The following ZZZ3 variants were observed in gnomAD, a reference collection of about 807,000 sequenced individuals.
ZZZ3 encodes zinc finger ZZ-type containing 3.
A neutral mutation model predicts 95.2 loss-of-function variants in ZZZ3; 22 were observed. The observed-to-expected ratio is 0.23, with a 90% CI of 0.17 to 0.33. ZZZ3 has a LOEUF of 0.33. ZZZ3 is among the 10% of genes least tolerant of loss of function. The pLI is 1.00. For missense variants in ZZZ3, 885 were observed against 1,066.5 expected, an observed-to-expected ratio of 0.83 and a Z score of 2.37; for synonymous variants, 335 against 358.9, an observed-to-expected ratio of 0.93 and a Z score of 0.75.
At chr1:77,676,197 C>CA (rs1383733572) in intron 1 of ZZZ3, among the ~76,000 whole-genome samples, 2 of 152,164 alleles carry the variant, frequency 1.3e-5, no homozygotes, top group African/African-American at 4.8e-5. Context: ...ACAAGGGTCT[C>CA]ACTGTGTCAC....
chr1:77,652,318 T>C (rs895971522), intron 1 of ZZZ3, among the ~76,000 whole-genome samples: 2 of 152,260 alleles, frequency 1.3e-5, no homozygotes, highest in East Asian at 1.9e-4. Context: ...AAATAAAATA[T>C]ACAAATAGCC....
intron 1 of ZZZ3, among the ~76,000 whole-genome samples, chr1:77,647,107 T>A (rs1669348805): frequency 2.0e-5 from 3 of 152,244 alleles, no homozygotes; most frequent in Admixed American, 6.5e-5. Flanking sequence ...GGGTTACTAA[T>A]GTTTGTGGTA....
intron 5 of ZZZ3, among the ~76,000 whole-genome samples, chr1:77,586,663 C>A (rs752816617): frequency 5.9e-5 from 9 of 152,020 alleles, no homozygotes; most frequent in Non-Finnish European, 1.0e-4. Context: ...TTAGTTAAGA[C>A]AAAATGATTA....
At chr1:77,615,396 A>G (rs1397869590) in intron 5 of ZZZ3, among the ~76,000 whole-genome samples, 2 of 152,236 alleles carry the variant, frequency 1.3e-5, no homozygotes, top group Non-Finnish European at 2.9e-5. Flanking sequence ...AAAGTACATC[A>G]TAGAAACAAA....
intron 1 of ZZZ3, among the ~76,000 whole-genome samples, chr1:77,661,238 C>A (rs1325684192): frequency 1.3e-5 from 2 of 151,916 alleles, no homozygotes; most frequent in African/African-American, 2.4e-5. Context: ...CATAGTGAAA[C>A]CCCGTCTCTA....
chr1:77,655,133 C>T (rs1362053654), intron 1 of ZZZ3, among the ~76,000 whole-genome samples: 2 of 152,158 alleles, frequency 1.3e-5, no homozygotes, highest in African/African-American at 2.4e-5. Context: ...TATAAAGCCA[C>T]CAGTTCCCCT....
intron 5 of ZZZ3, among the ~76,000 whole-genome samples, chr1:77,621,181 G>A (rs886824749): frequency 1.3e-5 from 2 of 151,984 alleles, no homozygotes; most frequent in Admixed American, 1.3e-4. Context: ...ACATTATCTA[G>A]TTATAATTAG....
At chr1:77,667,207 T>C (rs1293329640) in intron 1 of ZZZ3, among the ~76,000 whole-genome samples, 1 of 152,190 alleles carries the variant, frequency 6.6e-6, no homozygotes, top group Non-Finnish European at 1.5e-5. Context: ...AAGCAAACAC[T>C]GTGAACAGCT....
intron 1 of ZZZ3, among the ~76,000 whole-genome samples, chr1:77,644,601 C>T (rs1231824935): frequency 6.6e-6 from 1 of 152,172 alleles, no homozygotes. Flanking sequence ...GATTCTCTGT[C>T]ATCAATAATT....
At chr1:77,617,678 C>A (rs981467173) in intron 5 of ZZZ3, among the ~76,000 whole-genome samples, 1 of 151,812 alleles carries the variant, frequency 6.6e-6, no homozygotes, top group Non-Finnish European at 1.5e-5. Flanking sequence ...GTGGCTCATG[C>A]CTGTAATCCC....
intron 5 of ZZZ3, among the ~76,000 whole-genome samples, chr1:77,605,313 C>T (rs888882622): frequency 9.9e-5 from 15 of 152,174 alleles, no homozygotes; most frequent in Non-Finnish European, 1.8e-4. Flanking sequence ...AGCTAACGCC[C>T]GCTCACACCA....
intron 12 of ZZZ3, among the ~76,000 whole-genome samples, chr1:77,573,196 G>C (rs1661582670): frequency 6.6e-6 from 1 of 151,988 alleles, no homozygotes; most frequent in African/African-American, 2.4e-5. Flanking sequence ...CCCAGCTCCT[G>C]GCAACCTCTG....
At chr1:77,625,900 G>A (rs1667290938) in intron 5 of ZZZ3, among the ~76,000 whole-genome samples, 1 of 151,962 alleles carries the variant, frequency 6.6e-6, no homozygotes, top group African/African-American at 2.4e-5. Context: ...AGGAGGCTGA[G>A]GCAGGAGAAT....
chr1:77,573,135 G>A (rs1442435137), intron 12 of ZZZ3, among the ~76,000 whole-genome samples: 1 of 151,504 alleles, frequency 6.6e-6, no homozygotes, highest in African/African-American at 2.4e-5. Context: ...TTATTTTTTT[G>A]GAGCTGGAGT....
At chr1:77,651,742 G>A (rs1399713064) in intron 1 of ZZZ3, among the ~76,000 whole-genome samples, 1 of 152,174 alleles carries the variant, frequency 6.6e-6, no homozygotes, top group Non-Finnish European at 1.5e-5. Context: ...ATGGGGCTGG[G>A]CACGGTGGCT....
chr1:77,614,526 TTTTG>T (rs745729517), intron 5 of ZZZ3, among the ~76,000 whole-genome samples: 4 of 152,230 alleles, frequency 2.6e-5, no homozygotes, highest in South Asian at 2.1e-4. Flanking sequence ...TGAGACTAAA[TTTTG>T]TTTTTCATTA....
rs1384011650 is a variant in ZZZ3 at position 77,632,384 on chromosome 1, C to T, written c.971G>A (p.Ser324Asn). ...SEEEVDVVGD[S>N]SASKEQCKEN... ...TTTACACTGCTCTTTTGAGGCACTGCTATCTCCCACCACATCTACTTCCTC... is the reference window on the plus strand; with the variant it reads ...TTTACACTGCTCTTTTGAGGCACTGTTATCTCCCACCACATCTACTTCCTC... Residue 324 changes from serine to asparagine, a missense_variant, in exon 5 of 15, where the codon AGC becomes AAC. By Grantham distance (46) the Ser-to-Asn change is conservative. Coordinates refer to ENST00000370801, the MANE Select transcript of ZZZ3 (RefSeq NM_015534.6). 3.7e-6 allele frequency: 6 copies of T among 1,614,024 alleles called. No individual in the cohort carries two copies. Among genetic ancestry groups the T allele is most frequent in the Non-Finnish European group, 5.1e-6 (6 of 1,180,024 alleles).
At chr1:77,614,163 C>G (rs1666085116) in intron 5 of ZZZ3, among the ~76,000 whole-genome samples, 1 of 152,092 alleles carries the variant, frequency 6.6e-6, no homozygotes, top group Non-Finnish European at 1.5e-5. Context: ...AAGACTTAAA[C>G]ACAACCCTTA....
At chr1:77,628,634 A>C (rs1667525229) in intron 5 of ZZZ3, among the ~76,000 whole-genome samples, 1 of 152,232 alleles carries the variant, frequency 6.6e-6, no homozygotes. Flanking sequence ...CTTTGCACAC[A>C]AGACAGATAA....
Sources: allele counts gnomAD v4.1 joint callset (sites outside exome capture counted in the v4.1 genomes callset), GRCh38; gene constraint gnomAD v4.1.1; transcripts MANE v1.5; gene names NCBI Gene and HGNC (gene_info 2026-07-23, HGNC 2026-07-21).